Variants in LMNB1 observed in about 807,000 individuals in gnomAD.
The protein encoded by LMNB1 is lamin-B1.
LMNB1 carries 23 observed loss-of-function variants against 67.1 expected under a neutral mutation model. The ratio of observed to expected loss-of-function variants is 0.34; its 90% CI spans 0.25 to 0.49. LMNB1 has a LOEUF of 0.49. Among genes scored for constraint, LMNB1 ranks in the 20% least tolerant of loss-of-function variants. LMNB1 has a pLI of 0.99. For synonymous variants in LMNB1, 281 were observed against 282.9 expected (o/e 0.99, Z 0.07); for missense variants, 634 against 746.5 (o/e 0.85, Z 1.76).
intron 1 of LMNB1, among the ~76,000 whole-genome samples, chr5:126,804,080 C>CT (rs59976025): frequency 1.2e-3 from 167 of 144,846 alleles, no homozygotes; most frequent in South Asian, 6.4e-3. Flanking sequence ...ATTTGATTTT[C>CT]TTTTTTTTTT....
chr5:126,814,061 A>C (rs1177155677), intron 5 of LMNB1, among the ~76,000 whole-genome samples: 1 of 151,990 alleles, frequency 6.6e-6, no homozygotes, highest in African/African-American at 2.4e-5. Flanking sequence ...ACACCCTGCT[A>C]ATTTTGTATT....
In LMNB1 at chr5:126,832,817, T is replaced by C. The variant is rs1317023706; in HGVS notation, c.1719+16T>C. ...CCACCAGCAGGTATTACTTTATTTA[T>C]TTAATATATTTATTTCAAATTTTAT... On this transcript the variant is annotated intron_variant, in intron 10 of 10. Coordinates refer to ENST00000261366, the MANE Select transcript of LMNB1 (RefSeq NM_005573.4). The C allele has an allele frequency of 3.0e-5, 44 of 1,448,154 alleles. No individual in the cohort carries two copies. The highest frequency in any genetic ancestry group is 3.9e-5 in the Non-Finnish European group (42 of 1,065,084). 89.7% of individuals were successfully genotyped at this position (1,448,154 alleles called of 1,614,324 possible).
rs1561735717 is a variant in LMNB1 at position 126,787,537 on chromosome 5, TA to T, written c.359+9671del. 4.8e-3 allele frequency among the ~76,000 whole-genome samples: 350 copies of T among 72,296 alleles called. 10 individuals are homozygous for T. The highest frequency in any genetic ancestry group is 0.043 in the South Asian group (89 of 2,092). The allele number at this position is 72,296 out of a possible 152,430, so 47.4% of individuals were successfully genotyped here. On this transcript the variant is annotated intron_variant, in intron 1 of 10. Transcript: ENST00000261366. ...GTGTGTGTGGGGGTATATATATATA[TA>T]TATATATATTTTTTTTTTTTTTTTT...
At chr5:126,835,888 G>T (rs1752236311) in intron 10 of LMNB1, among the ~76,000 whole-genome samples, 1 of 152,124 alleles carries the variant, frequency 6.6e-6, no homozygotes, top group South Asian at 2.1e-4. Flanking sequence ...AGGAGTTCAA[G>T]ACCAGCCTGG....
At chr5:126,785,553 T>G (rs1350962619) in intron 1 of LMNB1, among the ~76,000 whole-genome samples, 8 of 141,048 alleles carry the variant, frequency 5.7e-5, no homozygotes, top group Admixed American at 5.1e-4. Context: ...ACTCCTGAGC[T>G]CAGGCAATAT....
chr5:126,802,066 A>G (rs764646907), intron 1 of LMNB1, among the ~76,000 whole-genome samples: 2 of 152,164 alleles, frequency 1.3e-5, no homozygotes, highest in Non-Finnish European at 2.9e-5. Context: ...GTTGTAAATT[A>G]TTACAGTATG....
At chr5:126,798,152 A>AACAG (rs757406442) in intron 1 of LMNB1, among the ~76,000 whole-genome samples, 1 of 150,436 alleles carries the variant, frequency 6.6e-6, no homozygotes, top group Non-Finnish European at 1.5e-5. Flanking sequence ...CAAACAAACA[A>AACAG]ACAAACAAAC....
chr5:126,830,709 GTA>G (rs1342913273), intron 9 of LMNB1, among the ~76,000 whole-genome samples: 2 of 152,190 alleles, frequency 1.3e-5, no homozygotes, highest in African/African-American at 4.8e-5. Context: ...CATATGGGAT[GTA>G]TACCACGAGC....
At chr5:126,799,737 G>T (rs960929457) in intron 1 of LMNB1, among the ~76,000 whole-genome samples, 4 of 152,202 alleles carry the variant, frequency 2.6e-5, no homozygotes, top group African/African-American at 7.2e-5. Context: ...CTAGGGACCT[G>T]GACTGAGCCT....
chr5:126,823,957 A>G (rs1041620298), intron 8 of LMNB1, among the ~76,000 whole-genome samples: 12 of 152,218 alleles, frequency 7.9e-5, no homozygotes, highest in African/African-American at 2.9e-4. Flanking sequence ...GAGGATTCAG[A>G]ATTGAGTGTG....
At chr5:126,792,856 A>G (rs1750996786) in intron 1 of LMNB1, among the ~76,000 whole-genome samples, 3 of 152,090 alleles carry the variant, frequency 2.0e-5, no homozygotes, top group African/African-American at 4.8e-5. Flanking sequence ...GATTACAGGC[A>G]TGAGCCACCG....
At chr5:126,796,790 T>C (rs1021645993) in intron 1 of LMNB1, among the ~76,000 whole-genome samples, 162 of 33,750 alleles carry the variant, frequency 4.8e-3, no homozygotes, top group East Asian at 6.7e-3. Context: ...TTCTTTCTTT[T>C]TTTTTTTTTT....
intron 1 of LMNB1, among the ~76,000 whole-genome samples, chr5:126,799,520 C>T (rs139484897): frequency 2.0e-5 from 3 of 152,348 alleles, no homozygotes; most frequent in Non-Finnish European, 4.4e-5. Flanking sequence ...AGTCTTTATG[C>T]TACCTAGACA....
chr5:126,824,356 A>ATGTG (rs1445786410), intron 8 of LMNB1, among the ~76,000 whole-genome samples: 4 of 152,094 alleles, frequency 2.6e-5, no homozygotes, highest in Non-Finnish European at 5.9e-5. Flanking sequence ...TTTAACATGT[A>ATGTG]ATCAGTCTAA....
rs994236399 is a variant in LMNB1, at chr5:126,818,992, G to A, written c.1010G>A (p.Arg337His). The change falls in exon 6 of 11, where the codon CGC becomes CAC. Residue 337 changes from arginine to histidine, a missense_variant. Arg to His is a conservative substitution (Grantham distance 29). Transcript: ENST00000261366. ...LLAKEKDNSR[R>H]MLTDKEREMA... The stretch of plus-strand genomic sequence containing the variant: ...GCTAAAGAAAAAGACAACTCTCGTC[G>A]CATGCTGACAGACAAAGAGAGAGAG... The A allele has an allele frequency of 4.3e-5, 70 of 1,614,008 alleles. 1 individual carries two copies. Among genetic ancestry groups the A allele is most frequent in the African/African-American group, 1.2e-4 (9 of 74,932 alleles).
chr5:126,819,762 A>G (rs918806427), intron 6 of LMNB1, among the ~76,000 whole-genome samples: 2 of 152,076 alleles, frequency 1.3e-5, no homozygotes, highest in South Asian at 2.1e-4. Flanking sequence ...TGCTAGGATT[A>G]CAGGTGTGAG....
At chr5:126,832,885 C>T in intron 10 of LMNB1, 84 bp downstream of exon 10, 1 of 876,112 alleles carries the variant, frequency 1.1e-6, no homozygotes, top group Non-Finnish European at 1.7e-6. Flanking sequence ...TGGGTTTTTC[C>T]CCTATCAGTT....
chr5:126,819,652 G>A (rs1421008566), intron 6 of LMNB1, among the ~76,000 whole-genome samples: 3 of 151,638 alleles, frequency 2.0e-5, no homozygotes, highest in African/African-American at 4.8e-5. Context: ...CACCACACCC[G>A]GCTAATTTTG....
intron 9 of LMNB1, among the ~76,000 whole-genome samples, chr5:126,827,381 C>T (rs1332010704): frequency 6.6e-6 from 1 of 152,054 alleles, no homozygotes; most frequent in Admixed American, 6.6e-5. Context: ...GGTATCAGGC[C>T]CAGCGCAGTG....
Sources: allele counts gnomAD v4.1 joint callset (sites outside exome capture counted in the v4.1 genomes callset), GRCh38; gene constraint gnomAD v4.1.1; transcripts MANE v1.5; gene names NCBI Gene and HGNC (gene_info 2026-07-23, HGNC 2026-07-21).